The following RAB38 variants were observed in gnomAD, a reference collection of about 807,000 sequenced individuals.
RAB38 encodes the protein RAB38, member RAS oncogene family.
RAB38 carries 15 observed loss-of-function variants against 18.4 expected under a neutral mutation model. The ratio of observed to expected loss-of-function variants is 0.82; its 90% CI spans 0.55 to 1.26. The LOEUF (loss-of-function observed/expected upper bound fraction) is 1.26, where lower values mean the gene tolerates loss of function less well. RAB38 is among the 50% of genes most tolerant of loss of function. The pLI is 0.00. For missense variants in RAB38, 294 were observed against 267.4 expected (o/e 1.10, Z -0.69); for synonymous variants, 101 against 104.4 (o/e 0.97, Z 0.20).
chr11:87,965,329 C>T, the RAB38 span, among the ~76,000 whole-genome samples: 2 of 151,550 alleles, frequency 1.3e-5, no homozygotes, highest in Non-Finnish European at 2.9e-5. Context: ...TTGGGAAGGG[C>T]AGACTGTTTT....
At chr11:88,158,792 C>G (rs528700446) in intron 1 of RAB38, among the ~76,000 whole-genome samples, 29 of 151,970 alleles carry the variant, frequency 1.9e-4, no homozygotes, top group Admixed American at 5.9e-4. Context: ...TGATCGATGA[C>G]AAACCCACAG....
At chr11:87,977,870 T>A in the RAB38 span, among the ~76,000 whole-genome samples, 1 of 111,762 alleles carries the variant, frequency 8.9e-6, no homozygotes, top group Non-Finnish European at 1.7e-5. Flanking sequence ...TACTTACAAA[T>A]ATATATAAAG....
the RAB38 span, among the ~76,000 whole-genome samples, chr11:87,888,996 T>C: frequency 6.6e-6 from 1 of 151,916 alleles, no homozygotes; most frequent in African/African-American, 2.4e-5. Flanking sequence ...CCCTAATTAG[T>C]GCTCATGTGA....
chr11:87,890,809 C>T, the RAB38 span, among the ~76,000 whole-genome samples: 1 of 151,868 alleles, frequency 6.6e-6, no homozygotes, highest in East Asian at 1.9e-4. Context: ...TTTATGAATT[C>T]ATTCACTTAC....
At chr11:88,022,618 A>AAAAAAC in the RAB38 span, among the ~76,000 whole-genome samples, 1 of 149,346 alleles carries the variant, frequency 6.7e-6, no homozygotes, top group Non-Finnish European at 1.5e-5. Context: ...CCACAAAAAA[A>AAAAAAC]AAAAAAAAAA....
rs576392764 is a variant in RAB38, at chr11:88,153,241, G to T, written c.203-3286C>A. 3.7e-4 allele frequency among the ~76,000 whole-genome samples: 57 copies of T among 152,228 alleles called. No homozygotes were observed. The South Asian group carries it at 0.012, about 31-fold the overall frequency. On this transcript the variant is annotated intron_variant, in intron 1 of 2. Coordinates refer to ENST00000243662, the MANE Select transcript of RAB38 (RefSeq NM_022337.3). ...GAACTTGGTGTGGCTGATCTCAAAG[G>T]CCCCTTGCTCATGCCTTAGATTAAA...
At chr11:88,015,182 A>G in the RAB38 span, among the ~76,000 whole-genome samples, 1 of 152,112 alleles carries the variant, frequency 6.6e-6, no homozygotes, top group Non-Finnish European at 1.5e-5. Context: ...GTACTCATCT[A>G]TCTACTCATC....
At chr11:88,088,215 G>A in the RAB38 span, among the ~76,000 whole-genome samples, 1 of 151,976 alleles carries the variant, frequency 6.6e-6, no homozygotes, top group Non-Finnish European at 1.5e-5. Context: ...CAATTAGGCA[G>A]AAGAGAAGAA....
At chr11:88,015,954 C>A in the RAB38 span, among the ~76,000 whole-genome samples, 2 of 152,136 alleles carry the variant, frequency 1.3e-5, no homozygotes. Flanking sequence ...TTTCAGCCAT[C>A]CTTCCACCAT....
chr11:87,976,958 C>T, the RAB38 span, among the ~76,000 whole-genome samples: 106 of 504 alleles, frequency 0.21, 40 homozygotes, highest in East Asian at 1. Flanking sequence ...AATATAATTA[C>T]ATTATACAAG....
the RAB38 span, among the ~76,000 whole-genome samples, chr11:87,886,497 G>T: frequency 8.6e-5 from 13 of 151,970 alleles, no homozygotes; most frequent in Non-Finnish European, 1.5e-4. Flanking sequence ...TGCTGCAAAC[G>T]GGATTGTTTT....
chr11:88,038,724 A>T, the RAB38 span, among the ~76,000 whole-genome samples: 1 of 152,182 alleles, frequency 6.6e-6, no homozygotes, highest in Non-Finnish European at 1.5e-5. Context: ...ATATATCTGC[A>T]AAATCTGTAG....
At chr11:88,060,051 C>G in the RAB38 span, among the ~76,000 whole-genome samples, 2 of 152,336 alleles carry the variant, frequency 1.3e-5, no homozygotes, top group South Asian at 4.1e-4. Flanking sequence ...ATCCACATGT[C>G]TGTTAGGGCC....
At chr11:87,814,982 C>T in the RAB38 span, 3 of 152,470 alleles carry the variant, frequency 2.0e-5, no homozygotes, top group African/African-American at 7.2e-5. Context: ...ATCCGCCCGC[C>T]TCGGCCTCTG....
the RAB38 span, among the ~76,000 whole-genome samples, chr11:87,963,697 A>T: frequency 1.4e-5 from 2 of 143,474 alleles, no homozygotes; most frequent in African/African-American, 5.2e-5. Context: ...CCCAGGCTGG[A>T]GTGCAGTGGT....
At chr11:88,105,622 C>T in the RAB38 span, among the ~76,000 whole-genome samples, 1 of 152,130 alleles carries the variant, frequency 6.6e-6, no homozygotes, top group African/African-American at 2.4e-5. Flanking sequence ...TGTGTTCACC[C>T]AGCTGTCACA....
chr11:88,150,693 T>C (rs984624691), intron 1 of RAB38, among the ~76,000 whole-genome samples: 7 of 152,170 alleles, frequency 4.6e-5, no homozygotes, highest in African/African-American at 1.7e-4. Context: ...TTAGTCTAAG[T>C]AACATTCTCA....
chr11:87,917,302 T>C, the RAB38 span, among the ~76,000 whole-genome samples: 2 of 151,958 alleles, frequency 1.3e-5, no homozygotes, highest in East Asian at 3.9e-4. Context: ...CATCAGGAAA[T>C]GGTGGTATAA....
chr11:88,113,982 T>G lies in RAB38; in HGVS notation c.*6A>C, dbSNP rs1381062428. ...CATTCCTACCAGACACCAGCAAAGG[T>G]GCCTACTAGGATTTGGCACAGCCAG... is the stretch of plus-strand genomic sequence containing the variant. On this transcript the variant is annotated 3_prime_UTR_variant, in exon 3 of 3. Transcript: ENST00000243662. 1 of 1,614,064 alleles carries G rather than the reference T, an allele frequency of 6.2e-7. No individual in the cohort carries two copies. The highest frequency in any genetic ancestry group is 2.2e-5 in the East Asian group (1 of 44,872).
Sources: allele counts gnomAD v4.1 joint callset (sites outside exome capture counted in the v4.1 genomes callset), GRCh38; gene constraint gnomAD v4.1.1; transcripts MANE v1.5; gene names NCBI Gene and HGNC (gene_info 2026-07-23, HGNC 2026-07-21).